The following PCDHGA8 variants were observed in gnomAD, a reference collection of about 807,000 sequenced individuals.
PCDHGA8 encodes the protein protocadherin gamma-A8.
PCDHGA8 carries 45 observed loss-of-function variants against 59.2 expected under a neutral mutation model. The ratio of observed to expected loss-of-function variants is 0.76; its 90% confidence interval spans 0.60 to 0.98. PCDHGA8 has a LOEUF of 0.98. PCDHGA8 is among the 50% of genes least tolerant of loss of function. The pLI, the probability that PCDHGA8 is intolerant of heterozygous loss-of-function variation, is 0.00. For synonymous variants in PCDHGA8, 531 were observed against 519.0 expected, an observed-to-expected ratio of 1.02 and a Z score of -0.32; for missense variants, 1,257 against 1,196.2, an observed-to-expected ratio of 1.05 and a Z score of -0.75.
At position 141,399,851 on chromosome 5, in the gene PCDHGA8, C is replaced by G. The variant is rs971471583; in HGVS notation, c.2424+4614C>G. 7 of 1,612,832 alleles carry G rather than the reference C, an allele frequency of 4.3e-6. No individual in the cohort carries two copies. In the African/African-American group the frequency reaches 6.7e-5, roughly 15 times the overall value. Reference sequence around the variant, plus strand: ...GGCTCTGCGCTCTTCGATATGGTGCCGCGCGCTGCAGAGCCCGGCTACCTG... The same window carrying G: ...GGCTCTGCGCTCTTCGATATGGTGCGGCGCGCTGCAGAGCCCGGCTACCTG... On this transcript the variant is annotated intron_variant, in intron 1 of 3. Coordinates refer to ENST00000398604, the MANE Select transcript of PCDHGA8 (RefSeq NM_032088.2).
At position 141,403,695 on chromosome 5, in the gene PCDHGA8, G is replaced by T. The variant is rs376074779; in HGVS notation, c.2424+8458G>T. On this transcript the variant is annotated intron_variant, in intron 1 of 3. Transcript: ENST00000398604. ...CCGGTTTTTGCTCAACGGATTTACC[G>T]AGTTAAAGTCCTTGAGAACGTGCCC... The T allele has an allele frequency of 2.9e-5, 46 of 1,613,780 alleles. No individual in the cohort carries two copies. The highest frequency in any genetic ancestry group is 3.7e-5 in the Non-Finnish European group (44 of 1,179,906).
At chr5:141,456,057 C>T (rs2098842079) in intron 1 of PCDHGA8, among the ~76,000 whole-genome samples, 1 of 151,914 alleles carries the variant, frequency 6.6e-6, no homozygotes, top group South Asian at 2.1e-4. Context: ...ACCACCACGT[C>T]CGGCTAATTT....
intron 1 of PCDHGA8, chr5:141,418,303 G>T: frequency 6.2e-7 from 1 of 1,614,032 alleles, no homozygotes; most frequent in Middle Eastern, 1.6e-4. Flanking sequence ...CCGTCAGCCT[G>T]GGGATGGGAA....
At chr5:141,471,361 CT>C (rs2099255928) in intron 1 of PCDHGA8, 1 of 151,976 alleles carries the variant, frequency 6.6e-6, no homozygotes, top group Non-Finnish European at 1.5e-5. Flanking sequence ...TCCAAGCCCC[CT>C]ATTTTTATTT....
chr5:141,491,312 C>T lies in PCDHGA8; in HGVS notation c.2425-3495C>T, dbSNP rs749198887. The stretch of plus-strand genomic sequence containing the variant: ...CACCCTCCTGAGCGTTCAGACCTTA[C>T]CCTTTACCTCATTGTGGCTCTAGCG... On this transcript the variant is annotated intron_variant, in intron 1 of 3. Transcript: ENST00000398604. The surrounding 1 kb of genome is among the most constrained non-coding windows in gnomAD (Gnocchi z 6.9). 3 of 1,614,170 alleles carry T rather than the reference C, an allele frequency of 1.9e-6. No individual in the cohort carries two copies. Among genetic ancestry groups the T allele is most frequent in the East Asian group, 4.5e-5 (2 of 44,878 alleles).
Position 141,491,329 on chromosome 5 carries a change from G to A in PCDHGA8, c.2425-3478G>A. The A allele has an allele frequency of 6.2e-7, 1 of 1,614,142 alleles. No individual in the cohort carries two copies. Among genetic ancestry groups the A allele is most frequent in the Non-Finnish European group, 8.5e-7 (1 of 1,180,022 alleles). On this transcript the variant is annotated intron_variant, in intron 1 of 3. Coordinates refer to ENST00000398604, the MANE Select transcript of PCDHGA8 (RefSeq NM_032088.2). The surrounding 1 kb of genome is among the most constrained non-coding windows in gnomAD (Gnocchi z 6.9). ...AGACCTTACCCTTTACCTCATTGTG[G>A]CTCTAGCGACCGTCAGTCTCTTATC...
chr5:141,417,771 C>G, intron 1 of PCDHGA8: 1 of 1,456,488 alleles, frequency 6.9e-7, no homozygotes, highest in Non-Finnish European at 9.1e-7. Flanking sequence ...CGGGACTCCT[C>G]CTGTCCTGGG....
At chr5:141,509,953 G>A (rs987910496) in intron 3 of PCDHGA8, among the ~76,000 whole-genome samples, 4 of 152,282 alleles carry the variant, frequency 2.6e-5, no homozygotes, top group Non-Finnish European at 4.4e-5. Context: ...AAATGCTACC[G>A]GGTATGGCCT....
rs774271747 is a variant in PCDHGA8 at position 141,485,866 on chromosome 5, C to A, written c.2425-8941C>A. On this transcript the variant is annotated intron_variant, in intron 1 of 3. Coordinates refer to ENST00000398604, the MANE Select transcript of PCDHGA8 (RefSeq NM_032088.2). The surrounding 1 kb of genome is among the most constrained non-coding windows in gnomAD (Gnocchi z 5.7). Reference sequence around the variant, plus strand: ...CTGGCACCGCAGAGCTCCGGGTATCCGTGCTGGACGTAAACGACAACGCCC... The same window carrying A: ...CTGGCACCGCAGAGCTCCGGGTATCAGTGCTGGACGTAAACGACAACGCCC... 2 of 1,614,144 alleles carry A rather than the reference C, an allele frequency of 1.2e-6. No homozygotes were observed. Among genetic ancestry groups the A allele is most frequent in the South Asian group, 1.1e-5 (1 of 91,074 alleles).
intron 1 of PCDHGA8, among the ~76,000 whole-genome samples, chr5:141,451,410 G>T (rs1201545799): frequency 6.6e-6 from 1 of 152,190 alleles, no homozygotes; most frequent in East Asian, 1.9e-4. Context: ...TAAGTTCCTT[G>T]TGGATTGTTA....
chr5:141,488,980 C>A, intron 1 of PCDHGA8: 1 of 392,340 alleles, frequency 2.5e-6, no homozygotes, highest in Non-Finnish European at 4.5e-6. Flanking sequence ...CAATCAGACT[C>A]AGAGCTGAGG....
At chr5:141,419,928 T>G in intron 1 of PCDHGA8, 1 of 1,614,084 alleles carries the variant, frequency 6.2e-7, no homozygotes, top group South Asian at 1.1e-5. Flanking sequence ...GAGATGCAGT[T>G]TTACCTGGTG....
intron 1 of PCDHGA8, among the ~76,000 whole-genome samples, chr5:141,438,833 T>C (rs989612425): frequency 6.6e-6 from 1 of 150,476 alleles, no homozygotes; most frequent in Non-Finnish European, 1.5e-5. Context: ...AGCTAATTTT[T>C]TAAAATATTT....
intron 1 of PCDHGA8, chr5:141,413,439 G>A (rs747331348): frequency 1.1e-4 from 179 of 1,613,988 alleles, no homozygotes; most frequent in Non-Finnish European, 1.4e-4. Flanking sequence ...GCGGCAGCTT[G>A]ATCACCGCGG....
intron 1 of PCDHGA8, chr5:141,422,556 G>A: frequency 6.2e-7 from 1 of 1,613,908 alleles, no homozygotes; most frequent in Non-Finnish European, 8.5e-7. Flanking sequence ...GGCTGAATGT[G>A]GCAGATGACA....
chr5:141,498,531 G>A (rs1384404653), intron 2 of PCDHGA8, among the ~76,000 whole-genome samples: 3 of 148,544 alleles, frequency 2.0e-5, no homozygotes, highest in Non-Finnish European at 4.4e-5. Context: ...CTGCCCTCCA[G>A]CCTGGTCTGG....
chr5:141,456,047 A>G (rs1321504293), intron 1 of PCDHGA8, among the ~76,000 whole-genome samples: 3 of 151,774 alleles, frequency 2.0e-5, no homozygotes, highest in Non-Finnish European at 4.4e-5. Context: ...ACAGGCGCCC[A>G]CCACCACGTC....
chr5:141,400,473 G>T (rs1196529035), intron 1 of PCDHGA8: 1 of 1,613,946 alleles, frequency 6.2e-7, no homozygotes, highest in Non-Finnish European at 8.5e-7. Context: ...ATTCATCTGG[G>T]GCCTTATTTC....
chr5:141,394,113 A>G lies in PCDHGA8; in HGVS notation c.1300A>G (p.Thr434Ala). The G allele has an allele frequency of 6.2e-7, 1 of 1,613,950 alleles. No homozygotes were observed. The highest frequency in any genetic ancestry group is 8.5e-7 in the Non-Finnish European group (1 of 1,179,856). Residue 434 changes from threonine (T) to alanine (A), a missense_variant, in exon 1 of 4, where the codon ACT becomes GCT. Transcript: ENST00000398604. ...ASDLGTPPLSTETQIALHVAD... is the reference protein window; with the variant it reads ...ASDLGTPPLSAETQIALHVAD... The stretch of plus-strand genomic sequence containing the variant: ...AGATCTAGGAACACCACCTCTGTCC[A>G]CTGAAACTCAAATCGCTCTGCACGT...
Sources: gnomAD v4.1 joint callset for allele counts (sites outside exome capture counted in the v4.1 genomes callset) on GRCh38, gnomAD v4.1.1 for gene constraint, Gnocchi (gnomAD v3.1) non-coding constraint, MANE v1.5 for transcripts, NCBI Gene and HGNC (gene_info 2026-07-23, HGNC 2026-07-21) for gene names.